Variants in SPECC1 observed in about 807,000 individuals in gnomAD.
The protein encoded by SPECC1 is sperm antigen with calponin homology and coiled-coil domains 1.
A neutral mutation model predicts 104.1 loss-of-function variants in SPECC1; 62 were observed. The ratio of observed to expected loss-of-function variants is 0.60; its 90% CI spans 0.49 to 0.74. The LOEUF (loss-of-function observed/expected upper bound fraction) is 0.74. Among genes scored for constraint, SPECC1 ranks in the 30% least tolerant of loss-of-function variants. The probability of loss-of-function intolerance (pLI) is 0.00; values close to 1 mark genes in which losing one functional copy is unlikely to be tolerated. For synonymous variants in SPECC1, 513 were observed against 501.6 expected (o/e 1.02, Z -0.30); for missense variants, 1,306 against 1,310.5 (o/e 1.00, Z 0.05).
intron 6 of SPECC1, 21 bp from the exon 7 acceptor site, chr17:20,232,179 G>A (rs962414703): frequency 1.2e-6 from 2 of 1,613,292 alleles, no homozygotes; most frequent in Non-Finnish European, 1.7e-6. Flanking sequence ...CTGACATAAG[G>A]ATGGGCTCTG....
chr17:20,111,168 T>A (rs1434742575), intron 3 of SPECC1, among the ~76,000 whole-genome samples: 2 of 152,232 alleles, frequency 1.3e-5, no homozygotes, highest in Admixed American at 1.3e-4. Context: ...TTTGTGCATA[T>A]AGATAATAAC....
chr17:20,172,048 C>T (rs550485875), intron 3 of SPECC1, among the ~76,000 whole-genome samples: 21 of 152,328 alleles, frequency 1.4e-4, no homozygotes, highest in South Asian at 2.1e-4. Flanking sequence ...TTCCTTTTCC[C>T]GCTGATGACA....
chr17:20,298,948 A>AGAGAGTGTGTGTGTGTGTGTGTGTGT lies in SPECC1; in HGVS notation c.3057+1872_3057+1873insAGAGTGTGTGTGTGTGTGTGTGTGTG. On this transcript the variant is annotated intron_variant, in intron 13 of 14. Coordinates refer to ENST00000395527, the MANE Select transcript of SPECC1 (RefSeq NM_001243439.2). ...GAGAGAGAGAGAGAGAGAGAGAGAG[A>AGAGAGTGTGTGTGTGTGTGTGTGTGT]GTGTGTGTGTGTGTGTGTGTGTGTA... Among the ~76,000 whole-genome samples, 156 of 48,974 alleles carry AGAGAGTGTGTGTGTGTGTGTGTGTGT rather than the reference A, an allele frequency of 3.2e-3. 1 individual carries two copies. Among genetic ancestry groups the AGAGAGTGTGTGTGTGTGTGTGTGTGT allele is most frequent in the Middle Eastern group, 9.4e-3 (1 of 106 alleles). 32.1% of individuals were successfully genotyped at this position (48,974 alleles called of 152,430 possible). A position where few individuals can be genotyped will look rare whatever the true frequency, so the allele number is the denominator to read the frequency against.
rs2151346141 is a variant in SPECC1 at position 20,204,410 on chromosome 17, G to A, written c.361G>A (p.Val121Met). 1 of 1,614,096 alleles carries A rather than the reference G, an allele frequency of 6.2e-7. No individual in the cohort carries two copies. The highest frequency in any genetic ancestry group is 8.5e-7 in the Non-Finnish European group (1 of 1,180,028). Residue 121 changes from valine to methionine, a missense_variant, in exon 4 of 15, where the codon GTG (valine) becomes ATG (methionine). Physicochemically the swap from Val to Met is conservative, Grantham distance 21 (BLOSUM62 1). Transcript: ENST00000395527. ...FSVTVSRERS[V>M]PRGPSNPRKS... Reference sequence around the variant, plus strand: ...AGTAACTGTCTCAAGAGAGAGGTCTGTGCCACGTGGTCCCTCCAACCCCAG... The same window carrying A: ...AGTAACTGTCTCAAGAGAGAGGTCTATGCCACGTGGTCCCTCCAACCCCAG...
chr17:20,160,355 G>GAGGACCCTGCCCGAGGTTTTAGGGGCC (rs2033024119), intron 3 of SPECC1, among the ~76,000 whole-genome samples: 1 of 152,080 alleles, frequency 6.6e-6, no homozygotes, highest in Non-Finnish European at 1.5e-5. Context: ...AAGGCGTGTG[G>GAGGACCCTGCCCGAGGTTTTAGGGGCC]AGGACCCTGC....
intron 1 of SPECC1, among the ~76,000 whole-genome samples, chr17:20,020,716 A>T (rs758153056): frequency 2.0e-5 from 3 of 152,172 alleles, no homozygotes; most frequent in Non-Finnish European, 2.9e-5. Flanking sequence ...TCACTGGCCC[A>T]TGCAAGCCCC....
intron 2 of SPECC1, among the ~76,000 whole-genome samples, chr17:20,107,491 C>G (rs2048284440): frequency 6.9e-6 from 1 of 144,368 alleles, no homozygotes; most frequent in Non-Finnish European, 1.5e-5. Context: ...GATGGATAGA[C>G]TGTTTGCCAG....
At chr17:20,260,050 G>T in intron 11 of SPECC1, 142 bp from the exon 12 acceptor site, 1 of 524,316 alleles carries the variant, frequency 1.9e-6, no homozygotes. Context: ...AAATAGTAAT[G>T]TGACTAATTC....
At chr17:20,176,613 G>T (rs2034491810) in intron 3 of SPECC1, among the ~76,000 whole-genome samples, 1 of 152,170 alleles carries the variant, frequency 6.6e-6, no homozygotes, top group South Asian at 2.1e-4. Flanking sequence ...CCTTCTGGAG[G>T]CTTCAGGGGA....
chr17:20,288,955 T>C (rs2041060581), intron 12 of SPECC1, among the ~76,000 whole-genome samples: 1 of 151,794 alleles, frequency 6.6e-6, no homozygotes, highest in Non-Finnish European at 1.5e-5. Flanking sequence ...CGGCTAATTT[T>C]TGTATTTTTA....
intron 12 of SPECC1, among the ~76,000 whole-genome samples, chr17:20,265,838 G>C (rs1004596154): frequency 6.6e-6 from 1 of 152,150 alleles, no homozygotes; most frequent in African/African-American, 2.4e-5. Context: ...AGCAGCATTT[G>C]CTGAATAGGG....
intron 1 of SPECC1, among the ~76,000 whole-genome samples, chr17:20,072,274 G>A (rs1036907125): frequency 2.6e-5 from 4 of 152,232 alleles, no homozygotes; most frequent in Non-Finnish European, 5.9e-5. Context: ...CTGGCTTAAA[G>A]CCAGCCTGAA....
chr17:20,056,972 C>T (rs1184678577), intron 1 of SPECC1, among the ~76,000 whole-genome samples: 1 of 152,054 alleles, frequency 6.6e-6, no homozygotes, highest in Admixed American at 6.6e-5. Flanking sequence ...AAATAGAAAG[C>T]CGAAACCAGA....
At chr17:20,019,085 A>G (rs1002121705) in intron 1 of SPECC1, among the ~76,000 whole-genome samples, 1 of 152,174 alleles carries the variant, frequency 6.6e-6, no homozygotes, top group African/African-American at 2.4e-5. Flanking sequence ...TTTTAAGAAT[A>G]ACAGTCTTGG....
intron 13 of SPECC1, among the ~76,000 whole-genome samples, chr17:20,298,563 G>A (rs1050493831): frequency 6.6e-6 from 1 of 152,136 alleles, no homozygotes; most frequent in Non-Finnish European, 1.5e-5. Context: ...CGGGAGAGGC[G>A]ACAGAGCTTC....
intron 3 of SPECC1, among the ~76,000 whole-genome samples, chr17:20,147,211 A>G (rs1317445107): frequency 6.6e-6 from 1 of 151,330 alleles, no homozygotes; most frequent in Non-Finnish European, 1.5e-5. Context: ...AGCTGGGATT[A>G]CAGATATGCA....
intron 3 of SPECC1, among the ~76,000 whole-genome samples, chr17:20,139,739 A>C (rs992104383): frequency 6.6e-6 from 1 of 152,134 alleles, no homozygotes; most frequent in African/African-American, 2.4e-5. Context: ...CAATTGCGCA[A>C]TCTCGGCTCA....
chr17:20,232,524 C>A, intron 7 of SPECC1, 119 bp downstream of exon 7: 1 of 1,124,466 alleles, frequency 8.9e-7, no homozygotes, highest in Non-Finnish European at 1.2e-6. Flanking sequence ...TCTGAGATCA[C>A]CCTGAATTAC....
chr17:20,137,875 C>G (rs2030213776), intron 3 of SPECC1, among the ~76,000 whole-genome samples: 1 of 151,988 alleles, frequency 6.6e-6, no homozygotes, highest in Admixed American at 6.6e-5. Flanking sequence ...GCATGTTGAC[C>G]AGGCTGGTCT....
Sources: allele counts gnomAD v4.1 joint callset (sites outside exome capture counted in the v4.1 genomes callset), GRCh38; gene constraint gnomAD v4.1.1; transcripts MANE v1.5; gene names NCBI Gene and HGNC (gene_info 2026-07-23, HGNC 2026-07-21).